PKIB: variants seen among roughly 807,000 people sequenced by gnomAD.
PKIB encodes PKI-beta.
In PKIB, 2 loss-of-function variants were observed where a neutral mutation model predicts 4.5. That is an observed-to-expected ratio of 0.44 (90% CI 0.18 to 1.39). PKIB has a LOEUF of 1.39. Ranked by LOEUF, PKIB falls within the 40% of genes most tolerant of loss-of-function variation. PKIB has a pLI of 0.27. For missense variants in PKIB, 94 were observed against 92.6 expected, an observed-to-expected ratio of 1.02 and a Z score of -0.06; for synonymous variants, 38 against 36.0, an observed-to-expected ratio of 1.06 and a Z score of -0.20.
chr6:122,676,564 T>C (rs1165607960), intron 3 of PKIB, among the ~76,000 whole-genome samples: 1 of 152,144 alleles, frequency 6.6e-6, no homozygotes, highest in Non-Finnish European at 1.5e-5. Flanking sequence ...TGTTTGAGGG[T>C]TGACTAAAAT....
chr6:122,667,697 C>G (rs1282500110), intron 2 of PKIB, among the ~76,000 whole-genome samples: 1 of 152,112 alleles, frequency 6.6e-6, no homozygotes, highest in African/African-American at 2.4e-5. Flanking sequence ...AAAGTTACTT[C>G]TTTTATTGAG....
At chr6:122,653,850 C>T (rs373290255) in intron 2 of PKIB, among the ~76,000 whole-genome samples, 21 of 152,088 alleles carry the variant, frequency 1.4e-4, no homozygotes, top group East Asian at 9.7e-4. Context: ...CCCAACTACT[C>T]GGAAGGCTGA....
intron 2 of PKIB, among the ~76,000 whole-genome samples, chr6:122,548,679 T>C (rs1772578416): frequency 6.6e-6 from 1 of 152,168 alleles, no homozygotes; most frequent in Non-Finnish European, 1.5e-5. Context: ...AATGACTAAA[T>C]GGGCAGAAAA....
intron 3 of PKIB, among the ~76,000 whole-genome samples, chr6:122,683,171 C>A (rs1453416738): frequency 6.6e-6 from 1 of 152,112 alleles, no homozygotes; most frequent in African/African-American, 2.4e-5. Flanking sequence ...TTGGGCTGTT[C>A]TTACATTGCT....
intron 2 of PKIB, among the ~76,000 whole-genome samples, chr6:122,556,888 A>T (rs1772858919): frequency 6.6e-6 from 1 of 152,178 alleles, no homozygotes; most frequent in African/African-American, 2.4e-5. Context: ...ATGTATAATA[A>T]CACTTGATTG....
chr6:122,572,342 A>C (rs1773391473), intron 2 of PKIB, among the ~76,000 whole-genome samples: 1 of 152,152 alleles, frequency 6.6e-6, no homozygotes, highest in South Asian at 2.1e-4. Flanking sequence ...AAACTATACA[A>C]ATACATGGAA....
At chr6:122,539,148 A>G (rs1365908193) in intron 2 of PKIB, among the ~76,000 whole-genome samples, 6 of 152,008 alleles carry the variant, frequency 3.9e-5, no homozygotes, top group Admixed American at 2.0e-4. Context: ...TTGACTTCCT[A>G]TTTTCCTAAC....
Position 122,570,803 on chromosome 6 carries a change from A to G in PKIB, c.-247-15118A>G, listed in dbSNP as rs80059684. On this transcript the variant is annotated intron_variant, in intron 2 of 6. Transcript: ENST00000392491. ...TTTTGAAGAAAAGTCTATCCAAATG[A>G]AAAGGAACCAGAAAAGTAATTCTGG... Among the ~76,000 whole-genome samples the G allele has an allele frequency of 2.2e-3, 334 of 152,302 alleles. 8 individuals carry two copies. In the East Asian group the frequency reaches 0.043, roughly 20 times the overall value.
intron 2 of PKIB, among the ~76,000 whole-genome samples, chr6:122,558,711 CCT>C (rs1471384881): frequency 6.6e-6 from 1 of 151,992 alleles, no homozygotes; most frequent in Non-Finnish European, 1.5e-5. Flanking sequence ...ACAGTCACCT[CCT>C]CTCTATTTTT....
intron 2 of PKIB, among the ~76,000 whole-genome samples, chr6:122,543,170 T>G (rs577590297): frequency 6.6e-6 from 1 of 152,040 alleles, no homozygotes; most frequent in Non-Finnish European, 1.5e-5. Flanking sequence ...GCGTCCCGAG[T>G]GAGGCAATGC....
At chr6:122,565,256 A>AG (rs1223135570) in intron 2 of PKIB, among the ~76,000 whole-genome samples, 1 of 152,136 alleles carries the variant, frequency 6.6e-6, no homozygotes, top group East Asian at 1.9e-4. Context: ...AATACCACTC[A>AG]AAGTTCTTGG....
chr6:122,595,862 C>T (rs555993890), intron 3 of PKIB, among the ~76,000 whole-genome samples: 16 of 152,270 alleles, frequency 1.1e-4, no homozygotes, highest in Admixed American at 9.8e-4. Flanking sequence ...GTCCACAGAA[C>T]CGGTTATCCT....
chr6:122,687,479 A>G (rs972314074), intron 3 of PKIB, among the ~76,000 whole-genome samples: 5 of 152,108 alleles, frequency 3.3e-5, no homozygotes, highest in African/African-American at 4.8e-5. Flanking sequence ...TATAAATTTT[A>G]GGATAGTTTT....
chr6:122,629,156 T>G (rs761276311), intron 1 of PKIB, among the ~76,000 whole-genome samples: 5 of 152,192 alleles, frequency 3.3e-5, no homozygotes, highest in Non-Finnish European at 5.9e-5. Flanking sequence ...CATAATACTC[T>G]CTGTCTTTCA....
rs1358079982 is a variant in PKIB at position 122,695,472 on chromosome 6, T to C, written c.-9+20328T>C. On this transcript the variant is annotated intron_variant, in intron 3 of 4. Coordinates refer to ENST00000368452, the MANE Select transcript of PKIB (RefSeq NM_181795.3). ...ATGCACATTATTCAATTGTATGATC[T>C]TTAAGATTCAAAAATGAATTAAAGT... is the stretch of plus-strand genomic sequence containing the variant. 2.0e-5 allele frequency among the ~76,000 whole-genome samples: 3 copies of C among 152,268 alleles called. No individual in the cohort carries two copies. The East Asian group carries it at 5.8e-4, about 29-fold the overall frequency.
intron 2 of PKIB, chr6:122,644,107 A>T (rs1196905282): frequency 2.6e-5 from 4 of 151,042 alleles, no homozygotes; most frequent in Admixed American, 6.6e-5. Flanking sequence ...ACTTCACTTA[A>T]AATTATTCTA....
chr6:122,626,203 G>C (rs1401368356), intron 1 of PKIB, among the ~76,000 whole-genome samples: 1 of 152,152 alleles, frequency 6.6e-6, no homozygotes, highest in Non-Finnish European at 1.5e-5. Flanking sequence ...ATACTTTAGT[G>C]GTTCATATTT....
At chr6:122,699,329 G>A (rs1778704363) in intron 3 of PKIB, among the ~76,000 whole-genome samples, 1 of 151,200 alleles carries the variant, frequency 6.6e-6, no homozygotes. Flanking sequence ...AAAGCAAACT[G>A]TGACTGCTAA....
chr6:122,595,971 G>T (rs1046055409), intron 3 of PKIB, among the ~76,000 whole-genome samples: 7 of 152,200 alleles, frequency 4.6e-5, no homozygotes, highest in African/African-American at 1.7e-4. Context: ...CACTCAGAGA[G>T]GTCCATCCAC....
Sources: allele counts gnomAD v4.1 joint callset (sites outside exome capture counted in the v4.1 genomes callset), GRCh38; gene constraint gnomAD v4.1.1; transcripts MANE v1.5; gene names NCBI Gene and HGNC (gene_info 2026-07-23, HGNC 2026-07-21).